Variants in IRAK1BP1 observed in about 807,000 individuals in gnomAD.
IRAK1BP1 encodes the protein interleukin-1 receptor-associated kinase 1-binding protein 1.
IRAK1BP1 carries 24 observed loss-of-function variants against 28.0 expected under a neutral mutation model. The observed-to-expected ratio is 0.86, with a 90% CI of 0.62 to 1.20. IRAK1BP1 has a LOEUF of 1.20. Among genes scored for constraint, IRAK1BP1 ranks in the 50% most tolerant of loss-of-function variants. The pLI, the probability that IRAK1BP1 is intolerant of heterozygous loss-of-function variation, is 0.00. For synonymous variants in IRAK1BP1, 131 were observed against 116.3 expected, an observed-to-expected ratio of 1.13 and a Z score of -0.81; for missense variants, 336 against 316.7, an observed-to-expected ratio of 1.06 and a Z score of -0.46.
At chr6:78,957,593 A>C in the IRAK1BP1 span, 1 of 151,822 alleles carries the variant, frequency 6.6e-6, no homozygotes, top group Non-Finnish European at 1.5e-5. Context: ...AAAAAAAAAA[A>C]AACTGAATAA....
the IRAK1BP1 span, chr6:78,961,556 C>A: frequency 1.3e-6 from 1 of 789,360 alleles, no homozygotes; most frequent in Non-Finnish European, 2.0e-6. Context: ...TAAGATTCTA[C>A]ATTTTAACAT....
At chr6:78,972,227 C>G in the IRAK1BP1 span, among the ~76,000 whole-genome samples, 1 of 152,192 alleles carries the variant, frequency 6.6e-6, no homozygotes, top group Non-Finnish European at 1.5e-5. Flanking sequence ...ACCCCTGACC[C>G]CTGAGCAGCC....
At chr6:78,875,708 G>T (rs1336458077) in intron 1 of IRAK1BP1, among the ~76,000 whole-genome samples, 1 of 151,916 alleles carries the variant, frequency 6.6e-6, no homozygotes, top group Admixed American at 6.6e-5. Context: ...AATAAACACT[G>T]GGAACTCCAA....
intron 4 of IRAK1BP1, among the ~76,000 whole-genome samples, chr6:78,911,882 G>T (rs1222702786): frequency 6.6e-6 from 1 of 152,132 alleles, no homozygotes; most frequent in East Asian, 1.9e-4. Context: ...ACTCAGACAG[G>T]CACCCTTATT....
At chr6:78,977,747 C>G in the IRAK1BP1 span, among the ~76,000 whole-genome samples, 10 of 152,258 alleles carry the variant, frequency 6.6e-5, no homozygotes, top group African/African-American at 2.4e-4. Context: ...TGTACTATAT[C>G]ACAACAATGT....
chr6:78,921,823 T>G (rs565051967), intron 4 of IRAK1BP1, among the ~76,000 whole-genome samples: 2 of 152,234 alleles, frequency 1.3e-5, no homozygotes, highest in African/African-American at 2.4e-5. Flanking sequence ...GGGTCTGGAG[T>G]GGACCTCCAG....
At chr6:78,951,533 C>G in the IRAK1BP1 span, among the ~76,000 whole-genome samples, 2 of 152,120 alleles carry the variant, frequency 1.3e-5, no homozygotes, top group East Asian at 3.9e-4. Flanking sequence ...AGTAGATTAT[C>G]CGAAGTTTTC....
chr6:78,954,365 C>G, the IRAK1BP1 span, among the ~76,000 whole-genome samples: 1 of 152,110 alleles, frequency 6.6e-6, no homozygotes, highest in African/African-American at 2.4e-5. Context: ...CTCGGCCTCC[C>G]AAAGTGCTGG....
intron 2 of IRAK1BP1, among the ~76,000 whole-genome samples, chr6:78,890,381 C>G (rs578239204): frequency 1.2e-4 from 18 of 150,152 alleles, no homozygotes; most frequent in African/African-American, 4.2e-4. Flanking sequence ...CCTGCACGTT[C>G]TGCACATGTA....
At chr6:78,924,872 T>C (rs1772844627) in intron 4 of IRAK1BP1, among the ~76,000 whole-genome samples, 1 of 152,176 alleles carries the variant, frequency 6.6e-6, no homozygotes, top group Non-Finnish European at 1.5e-5. Context: ...TGCACACATA[T>C]GTTTATTGCG....
At chr6:78,919,268 A>G (rs2127664912) in intron 4 of IRAK1BP1, among the ~76,000 whole-genome samples, 1 of 152,280 alleles carries the variant, frequency 6.6e-6, no homozygotes, top group Non-Finnish European at 1.5e-5. Context: ...AAATGTTCTG[A>G]CTCACACCAA....
intron 4 of IRAK1BP1, among the ~76,000 whole-genome samples, chr6:78,924,926 C>CA (rs1469779924): frequency 6.6e-6 from 1 of 152,084 alleles, no homozygotes; most frequent in Non-Finnish European, 1.5e-5. Context: ...CCCAAATGTC[C>CA]AACAATGATA....
chr6:78,948,937 A>T (rs147756575), downstream of IRAK1BP1, among the ~76,000 whole-genome samples: 95 of 152,244 alleles, frequency 6.2e-4, 1 homozygote, highest in South Asian at 8.1e-3. Flanking sequence ...TGCCTTTACA[A>T]ATTTTTATTT....
chr6:78,898,250 C>T lies in IRAK1BP1; in HGVS notation c.699C>T (p.Ile233=), dbSNP rs572837175. The T allele has an allele frequency of 2.1e-4, 346 of 1,612,674 alleles. No homozygotes were observed. Among genetic ancestry groups the T allele is most frequent in the Non-Finnish European group, 2.9e-4 (343 of 1,179,518 alleles). ...GTTCATTAACTGTACAACAAAAAAT[C>T]AAAAGTGCAACAATACATGCTGCTT... is the stretch of plus-strand genomic sequence containing the variant. ...LSSSLTVQQK[I]KSATIHAASK... Residue 233 remains isoleucine, a synonymous_variant, in exon 4 of 4, where the codon ATC becomes ATT. Coordinates refer to ENST00000369940, the MANE Select transcript of IRAK1BP1 (RefSeq NM_001010844.4).
chr6:78,878,875 T>C (rs1171154002), intron 1 of IRAK1BP1, among the ~76,000 whole-genome samples: 2 of 152,214 alleles, frequency 1.3e-5, no homozygotes, highest in Non-Finnish European at 2.9e-5. Flanking sequence ...AGTAGCCGAT[T>C]AGATGAACTG....
intron 4 of IRAK1BP1, chr6:78,941,209 A>G (rs1773483940): frequency 2.5e-6 from 4 of 1,613,872 alleles, no homozygotes; most frequent in South Asian, 2.2e-5. Flanking sequence ...TTTCACCACT[A>G]TTGGTATTAA....
chr6:78,890,893 AG>A (rs1771629086), intron 2 of IRAK1BP1, among the ~76,000 whole-genome samples: 2 of 152,202 alleles, frequency 1.3e-5, no homozygotes, highest in African/African-American at 4.8e-5. Context: ...GCCCTCTGAA[AG>A]ATGTTAAAAA....
intron 4 of IRAK1BP1, among the ~76,000 whole-genome samples, chr6:78,930,968 A>AT (rs1406441230): frequency 6.6e-5 from 2 of 30,084 alleles, no homozygotes; most frequent in Admixed American, 3.7e-4. Flanking sequence ...ATAAAATAAA[A>AT]AAAAATTAAC....
At chr6:78,976,114 A>C in the IRAK1BP1 span, among the ~76,000 whole-genome samples, 1 of 150,354 alleles carries the variant, frequency 6.7e-6, no homozygotes. Flanking sequence ...ACACTACCTG[A>C]CTTCAAACTA....
Sources: gnomAD v4.1 joint callset for allele counts (sites outside exome capture counted in the v4.1 genomes callset) on GRCh38, gnomAD v4.1.1 for gene constraint, MANE v1.5 for transcripts, NCBI Gene and HGNC (gene_info 2026-07-23, HGNC 2026-07-21) for gene names.